SCNN1B: variants seen among roughly 807,000 people sequenced by gnomAD.
SCNN1B encodes epithelial sodium channel subunit beta.
A neutral mutation model predicts 65.3 loss-of-function variants in SCNN1B; 46 were observed. The observed-to-expected ratio is 0.70, with a 90% CI of 0.56 to 0.90. The LOEUF (loss-of-function observed/expected upper bound fraction) is 0.90, where lower values mean the gene tolerates loss of function less well. Among genes scored for constraint, SCNN1B ranks in the 40% least tolerant of loss-of-function variants. The pLI is 0.00. For synonymous variants in SCNN1B, 349 were observed against 330.6 expected, an observed-to-expected ratio of 1.06 and a Z score of -0.60; for missense variants, 751 against 830.5, an observed-to-expected ratio of 0.90 and a Z score of 1.18.
At chr16:23,290,087 G>A (rs780465230) in intron 2 of SCNN1B, among the ~76,000 whole-genome samples, 2 of 152,168 alleles carry the variant, frequency 1.3e-5, no homozygotes, top group Non-Finnish European at 2.9e-5. Context: ...CATGCACCCA[G>A]TAGAAATCTG....
intron 1 of SCNN1B, among the ~76,000 whole-genome samples, chr16:23,331,139 G>C (rs1378876697): frequency 6.6e-6 from 1 of 152,160 alleles, no homozygotes; most frequent in African/African-American, 2.4e-5. Flanking sequence ...GTGTTGAAGA[G>C]GGTGGCAGGT....
At chr16:23,349,748 GC>G (rs1215686426) in intron 2 of SCNN1B, among the ~76,000 whole-genome samples, 1 of 152,022 alleles carries the variant, frequency 6.6e-6, no homozygotes, top group Admixed American at 6.6e-5. Flanking sequence ...GAGCAAACAT[GC>G]CCCACAAAGT....
chr16:23,378,523 C>T (rs1365458498), intron 10 of SCNN1B, among the ~76,000 whole-genome samples, 183 bp from the exon 11 acceptor site: 1 of 152,168 alleles, frequency 6.6e-6, no homozygotes, highest in African/African-American at 2.4e-5. Context: ...CGAGTCCTTC[C>T]TCCCCTAGAA....
At chr16:23,332,449 G>A (rs1200366585) in intron 1 of SCNN1B, among the ~76,000 whole-genome samples, 3 of 151,894 alleles carry the variant, frequency 2.0e-5, no homozygotes, top group Non-Finnish European at 2.9e-5. Context: ...CACCCACCTC[G>A]GCCTCCCAAA....
At chr16:23,335,813 CACTT>C (rs1339837136) in intron 1 of SCNN1B, among the ~76,000 whole-genome samples, 3 of 151,998 alleles carry the variant, frequency 2.0e-5, no homozygotes, top group African/African-American at 4.8e-5. Flanking sequence ...TCTTTGCTCT[CACTT>C]AACTGTATAT....
intron 7 of SCNN1B, 158 bp downstream of exon 7, chr16:23,372,041 T>G: frequency 5.8e-6 from 4 of 693,364 alleles, no homozygotes; most frequent in Non-Finnish European, 1.1e-5. Flanking sequence ...CCAGTCACTT[T>G]CCTGGGCTCT....
Position 23,372,497 on chromosome 16 carries a change from CT to C in SCNN1B, c.1152+629del, listed in dbSNP as rs200783041. On this transcript the variant is annotated intron_variant, in intron 7 of 12. Coordinates refer to ENST00000343070, the MANE Select transcript of SCNN1B (RefSeq NM_000336.3). ...CATCATCAATTTACCTGAGAAGTCC[CT>C]TTTTTTTTTTTTTTGAGATGGAGTC... Among the ~76,000 whole-genome samples the C allele has an allele frequency of 5.9e-3, 805 of 137,362 alleles. 5 individuals carry two copies. The highest frequency in any genetic ancestry group is 7.4e-3 in the Non-Finnish European group (473 of 63,880). 90.1% of individuals were successfully genotyped at this position (137,362 alleles called of 152,430 possible). A position where few individuals can be genotyped will look rare whatever the true frequency, so the allele number is the denominator to read the frequency against.
upstream of SCNN1B, among the ~76,000 whole-genome samples, chr16:23,298,301 G>A (rs900340338): frequency 1.3e-5 from 2 of 152,162 alleles, no homozygotes; most frequent in Non-Finnish European, 2.9e-5. Flanking sequence ...GAATTCAAGA[G>A]CCAGCTAGCT....
At position 23,378,642 on chromosome 16, in the gene SCNN1B, C is replaced by G; in HGVS notation, c.1405-64C>G. ...GCTGTGGTCTACCTCCCCCAGGGAACAGAGCCATGACTGGGAGGGATGCTG... is the reference window on the plus strand; with the variant it reads ...GCTGTGGTCTACCTCCCCCAGGGAAGAGAGCCATGACTGGGAGGGATGCTG... On this transcript the variant is annotated intron_variant, in intron 10 of 12. Coordinates refer to ENST00000343070, the MANE Select transcript of SCNN1B (RefSeq NM_000336.3). 8 of 1,481,092 alleles carry G rather than the reference C, an allele frequency of 5.4e-6. No individual in the cohort carries two copies. The South Asian group carries it at 9.1e-5, about 17-fold the overall frequency. The allele number at this position is 1,481,092 out of a possible 1,614,324, so 91.7% of individuals were successfully genotyped here.
At chr16:23,299,495 G>A (rs1327952242), upstream of SCNN1B, among the ~76,000 whole-genome samples, 3 of 152,180 alleles carry the variant, frequency 2.0e-5, no homozygotes. Flanking sequence ...ATCCTTTCAG[G>A]AGAAACTGTG....
chr16:23,358,752 C>T (rs1962471630), intron 4 of SCNN1B, among the ~76,000 whole-genome samples: 1 of 152,080 alleles, frequency 6.6e-6, no homozygotes, highest in African/African-American at 2.4e-5. Flanking sequence ...ACTAAATATA[C>T]AAAAATTAGC....
intron 1 of SCNN1B, among the ~76,000 whole-genome samples, chr16:23,309,410 T>TGATAGATGATAGATA (rs140958868): frequency 1.3e-5 from 2 of 150,814 alleles, no homozygotes; most frequent in African/African-American, 2.5e-5. Context: ...AGATAAATGA[T>TGATAGATGATAGATA]GATAGATAGA....
chr16:23,292,338 C>T (rs571199763), intron 2 of SCNN1B, among the ~76,000 whole-genome samples: 25 of 151,706 alleles, frequency 1.6e-4, no homozygotes, highest in Non-Finnish European at 2.7e-4. Context: ...GGACTACAGG[C>T]GCCCGCCACC....
intron 1 of SCNN1B, among the ~76,000 whole-genome samples, chr16:23,338,892 A>G (rs1961997210): frequency 1.3e-5 from 2 of 152,260 alleles, no homozygotes; most frequent in Admixed American, 6.5e-5. Context: ...TAATTTACAT[A>G]TAATAGAATG....
Position 23,349,953 on chromosome 16 carries a change from C to T in SCNN1B, c.311+1043C>T, listed in dbSNP as rs145413493. 1.1e-4 allele frequency among the ~76,000 whole-genome samples: 17 copies of T among 152,100 alleles called. No homozygotes were observed. The East Asian group carries it at 3.3e-3, about 29-fold the overall frequency. On this transcript the variant is annotated intron_variant, in intron 2 of 12. Coordinates refer to ENST00000343070, the MANE Select transcript of SCNN1B (RefSeq NM_000336.3). ...ACTCTACTAAAAATACAGGCAATGC[C>T]TGTAATCTCAGCTACTTAGGAGGCT...
intron 2 of SCNN1B, among the ~76,000 whole-genome samples, chr16:23,289,141 G>T (rs978417707): frequency 6.6e-6 from 1 of 152,262 alleles, no homozygotes; most frequent in African/African-American, 2.4e-5. Flanking sequence ...AATCACTGGG[G>T]GCACCTTAGA....
At chr16:23,294,425 T>C (rs2106374) in intron 2 of SCNN1B, among the ~76,000 whole-genome samples, 26,719 of 151,536 alleles carry the variant, frequency 0.18, 2,530 homozygotes, top group Middle Eastern at 0.28. Flanking sequence ...CCAAAGTCCC[T>C]ACACTGGCCT....
At chr16:23,342,302 C>T (rs1962070332) in intron 1 of SCNN1B, among the ~76,000 whole-genome samples, 1 of 152,224 alleles carries the variant, frequency 6.6e-6, no homozygotes, top group Non-Finnish European at 1.5e-5. Context: ...GGCTGGAGTG[C>T]CGTGGCACAA....
At chr16:23,341,756 C>T (rs539154782) in intron 1 of SCNN1B, among the ~76,000 whole-genome samples, 19 of 152,274 alleles carry the variant, frequency 1.2e-4, no homozygotes, top group Admixed American at 7.2e-4. Context: ...CAGGAAAACG[C>T]AAATTGAAAC....
Sources: gnomAD v4.1 joint callset for allele counts (sites outside exome capture counted in the v4.1 genomes callset) on GRCh38, gnomAD v4.1.1 for gene constraint, MANE v1.5 for transcripts, NCBI Gene and HGNC (gene_info 2026-07-23, HGNC 2026-07-21) for gene names.